Variants in ALDH5A1 observed in about 807,000 individuals in gnomAD.
ALDH5A1 encodes aldehyde dehydrogenase 5 family member A1.
A neutral mutation model predicts 54.7 loss-of-function variants in ALDH5A1; 33 were observed. That is an observed-to-expected ratio of 0.60 (90% CI 0.46 to 0.81). The LOEUF is 0.81. Among genes scored for constraint, ALDH5A1 ranks in the 30% least tolerant of loss-of-function variants. ALDH5A1 has a pLI of 0.00. For synonymous variants in ALDH5A1, 294 were observed against 292.7 expected (o/e 1.00, Z -0.05); for missense variants, 657 against 711.0 (o/e 0.92, Z 0.86).
intron 1 of ALDH5A1, among the ~76,000 whole-genome samples, chr6:24,501,613 A>T (rs1013822276): frequency 6.6e-6 from 1 of 152,124 alleles, no homozygotes; most frequent in Admixed American, 6.5e-5. Context: ...TAGTAGGCTG[A>T]GCTGGGGGGA....
At position 24,508,866 on chromosome 6, in the gene ALDH5A1, A is replaced by G. The variant is rs181406488; in HGVS notation, c.726+3881A>G. Among the ~76,000 whole-genome samples the G allele has an allele frequency of 7.2e-5, 11 of 152,272 alleles. No homozygotes were observed. In the East Asian group the frequency reaches 2.1e-3, roughly 29 times the overall value. ...GGTTTTGATTTGCATTTCCTTGATC[A>G]TTAGTGATGTTGAGCATTTTTTCAT... On this transcript the variant is annotated intron_variant, in intron 4 of 9. Transcript: ENST00000357578.
At chr6:24,524,105 C>T (rs954515382) in intron 7 of ALDH5A1, among the ~76,000 whole-genome samples, 1 of 151,674 alleles carries the variant, frequency 6.6e-6, no homozygotes, top group African/African-American at 2.4e-5. Flanking sequence ...CCTGCCTCAG[C>T]CTCCCGAGTA....
rs184270116 is a variant in ALDH5A1 at position 24,526,155 on chromosome 6, T to G, written c.1174-1842T>G. ...TCCCCAAATTGATCAACCCAGTCCT[T>G]GTGTGTGTGTGTGTCCCCCAAACAC... On this transcript the variant is annotated intron_variant, in intron 7 of 9. Transcript: ENST00000357578. 9.2e-5 allele frequency among the ~76,000 whole-genome samples: 14 copies of G among 151,518 alleles called. No homozygotes were observed. The East Asian group carries it at 2.7e-3, about 29-fold the overall frequency.
In ALDH5A1 at chr6:24,528,139, C is replaced by T. The variant is rs139633130; in HGVS notation, c.1316C>T (p.Thr439Ile). ...GACATGCTGTGCACTCATGAAGAGA[C>T]TTTCGGGCCTCTGGCACCAGTTATC... ...TQDMLCTHEE[T>I]FGPLAPVIKF... Residue 439 changes from threonine (T) to isoleucine (I), a missense_variant, in exon 8 of 10, where the codon ACT becomes ATT. By Grantham distance (89) the Thr-to-Ile change is moderately conservative. This residue lies in a region of ALDH5A1 where 425 missense variants were observed against 516.4 expected (regional missense o/e 0.82). Coordinates refer to ENST00000357578, the MANE Select transcript of ALDH5A1 (RefSeq NM_001080.3). 1.9e-5 allele frequency: 31 copies of T among 1,613,886 alleles called. No individual in the cohort carries two copies. The African/African-American group carries it at 3.5e-4, about 18-fold the overall frequency.
At chr6:24,532,017 T>A in intron 8 of ALDH5A1, 102 bp from the exon 9 acceptor site, 1 of 1,100,640 alleles carries the variant, frequency 9.1e-7, no homozygotes, top group Non-Finnish European at 1.4e-6. Context: ...AAAACTCTGA[T>A]TTACTCCTTG....
At chr6:24,522,478 C>CGTGTGTGTGTGTGTGTGTGTGTGT (rs5874989) in intron 6 of ALDH5A1, among the ~76,000 whole-genome samples, 8,664 of 134,258 alleles carry the variant, frequency 0.065, 609 homozygotes, top group East Asian at 0.098. Flanking sequence ...TCTTTTCTTT[C>CGTGTGTGTGTGTGTGTGTGTGTGT]GTGTGTGTGT....
chr6:24,508,809 A>T (rs1759409521), intron 4 of ALDH5A1, among the ~76,000 whole-genome samples: 1 of 152,182 alleles, frequency 6.6e-6, no homozygotes, highest in Non-Finnish European at 1.5e-5. Context: ...TACTATGACC[A>T]ACCTTGCAGG....
chr6:24,514,600 C>T (rs556245224), intron 4 of ALDH5A1, among the ~76,000 whole-genome samples: 1 of 151,976 alleles, frequency 6.6e-6, no homozygotes, highest in African/African-American at 2.4e-5. Context: ...TAGCCAGGCA[C>T]GCACCTGTAA....
rs552108552 is a variant in ALDH5A1, at chr6:24,503,506, C to T, written c.609+73C>T. 591 of 1,555,034 alleles carry T rather than the reference C, an allele frequency of 3.8e-4. 2 individuals carry two copies. In the African/African-American group the frequency reaches 5.8e-3, roughly 15 times the overall value. On this transcript the variant is annotated intron_variant, in intron 3 of 9. Coordinates refer to ENST00000357578, the MANE Select transcript of ALDH5A1 (RefSeq NM_001080.3). ...AGTTGGGAAACAATTCATTCTTCCT[C>T]GTGAGCAGGTGTGCTCATCCTGTTA...
intron 5 of ALDH5A1, 78 bp from the exon 6 acceptor site, chr6:24,520,323 G>T: frequency 6.3e-7 from 1 of 1,583,434 alleles, no homozygotes. Flanking sequence ...TTCACCATTT[G>T]GTAATTTTTT....
In ALDH5A1 at chr6:24,504,970, C is replaced by T. The variant is rs893040301; in HGVS notation, c.711C>T (p.Ala237=). 3 of 1,614,038 alleles carry T rather than the reference C, an allele frequency of 1.9e-6. No homozygotes were observed. The highest frequency in any genetic ancestry group is 1.3e-5 in the African/African-American group (1 of 74,932). Residue 237 remains alanine, a synonymous_variant, in exon 4 of 10, where the codon GCC becomes GCT. Transcript: ENST00000357578. ...CTGCCGAAGACACGCCCTTCTCCGC[C>T]CTGGCCCTGGCTGAGGTGAGCCGCT... is the stretch of plus-strand genomic sequence containing the variant. ...VKPAEDTPFS[A]LALAELASQA... is the part of the protein sequence containing the mutation.
At chr6:24,531,967 G>T (rs36112176) in intron 8 of ALDH5A1, 152 bp from the exon 9 acceptor site, 1 of 726,696 alleles carries the variant, frequency 1.4e-6, no homozygotes, top group Non-Finnish European at 2.5e-6. Context: ...TCGGGGAATG[G>T]TGCTGCTTTC....
At position 24,495,032 on chromosome 6, in the gene ALDH5A1, C is replaced by T; in HGVS notation, c.36C>T (p.Ala12=). The T allele has an allele frequency of 7.4e-7, 1 of 1,349,684 alleles. No homozygotes were observed. The highest frequency in any genetic ancestry group is 9.5e-7 in the Non-Finnish European group (1 of 1,053,748). 83.6% of individuals were successfully genotyped at this position (1,349,684 alleles called of 1,614,324 possible). ...GCATTTGGCTGCGGAGCTGTGGGGC[C>T]CGGCGCCTCGGGTCGACGTTTCCAG... The part of the protein sequence containing the change: ...ATCIWLRSCG[A]RRLGSTFPGC... Residue 12 remains alanine (A), a synonymous_variant, in exon 1 of 10, where the codon GCC becomes GCT. Coordinates refer to ENST00000357578, the MANE Select transcript of ALDH5A1 (RefSeq NM_001080.3).
At chr6:24,528,262 A>G in intron 8 of ALDH5A1, 96 bp downstream of exon 8, 3 of 1,445,182 alleles carry the variant, frequency 2.1e-6, no homozygotes, top group South Asian at 1.2e-5. Flanking sequence ...AGGTCTGGCC[A>G]GGAGGCAGAC....
intron 7 of ALDH5A1, among the ~76,000 whole-genome samples, chr6:24,523,402 A>G (rs955404444): frequency 1.3e-5 from 2 of 152,172 alleles, no homozygotes; most frequent in Non-Finnish European, 2.9e-5. Context: ...TAAAGTGCCC[A>G]GCAAGCCTAT....
At chr6:24,515,084 T>C in intron 4 of ALDH5A1, 83 bp from the exon 5 acceptor site, 1 of 1,474,888 alleles carries the variant, frequency 6.8e-7, no homozygotes, top group Non-Finnish European at 9.2e-7. Context: ...GGGTTAAGTA[T>C]CTATTTATTT....
chr6:24,496,910 T>A (rs1309040823), intron 1 of ALDH5A1, among the ~76,000 whole-genome samples: 2 of 152,146 alleles, frequency 1.3e-5, no homozygotes, highest in Non-Finnish European at 2.9e-5. Flanking sequence ...ATGTCAATTT[T>A]GCCAGGAGCA....
intron 1 of ALDH5A1, among the ~76,000 whole-genome samples, chr6:24,499,014 T>A (rs921555921): frequency 6.6e-6 from 1 of 151,034 alleles, no homozygotes; most frequent in Non-Finnish European, 1.5e-5. Flanking sequence ...CCAAGGAGAA[T>A]TGCTTGAACC....
At chr6:24,517,749 G>A (rs1759601801) in intron 5 of ALDH5A1, among the ~76,000 whole-genome samples, 1 of 152,246 alleles carries the variant, frequency 6.6e-6, no homozygotes, top group Non-Finnish European at 1.5e-5. Context: ...AAGTATAGCT[G>A]AAGGGATAAC....
Sources: allele counts gnomAD v4.1 joint callset (sites outside exome capture counted in the v4.1 genomes callset), GRCh38; gene constraint gnomAD v4.1.1; regional missense constraint gnomAD v4.1.1; transcripts MANE v1.5; gene names NCBI Gene and HGNC (gene_info 2026-07-23, HGNC 2026-07-21).